The following ENOX1 variants were observed in gnomAD, a reference collection of about 807,000 sequenced individuals.
ENOX1 encodes ecto-NOX disulfide-thiol exchanger 1.
A neutral mutation model predicts 82.5 loss-of-function variants in ENOX1; 42 were observed. The ratio of observed to expected loss-of-function variants is 0.51; its 90% CI spans 0.40 to 0.66. The LOEUF is 0.66. ENOX1 is among the 30% of genes least tolerant of loss of function. ENOX1 has a pLI of 0.00. For synonymous variants in ENOX1, 271 were observed against 282.2 expected, an observed-to-expected ratio of 0.96 and a Z score of 0.40; for missense variants, 608 against 811.6, an observed-to-expected ratio of 0.75 and a Z score of 3.05.
chr13:43,404,720 A>G (rs1377377605), intron 5 of ENOX1, among the ~76,000 whole-genome samples: 1 of 152,216 alleles, frequency 6.6e-6, no homozygotes, highest in African/African-American at 2.4e-5. Context: ...CTTGTAAAAA[A>G]TGCTGTAATA....
chr13:43,438,896 A>G (rs1053394423), intron 3 of ENOX1, among the ~76,000 whole-genome samples: 29 of 152,332 alleles, frequency 1.9e-4, no homozygotes, highest in African/African-American at 6.3e-4. Flanking sequence ...CAGTCGATCC[A>G]TAGCTCTTTG....
chr13:43,594,685 A>G (rs2081386372), intron 2 of ENOX1, among the ~76,000 whole-genome samples: 1 of 152,206 alleles, frequency 6.6e-6, no homozygotes. Context: ...ACAAAGAGGG[A>G]GAGAACTTAC....
intron 2 of ENOX1, among the ~76,000 whole-genome samples, chr13:43,625,667 C>T (rs1015000103): frequency 6.6e-6 from 1 of 151,880 alleles, no homozygotes; most frequent in Non-Finnish European, 1.5e-5. Context: ...AAATATTGAA[C>T]CAGCATTGCA....
intron 3 of ENOX1, among the ~76,000 whole-genome samples, chr13:43,434,292 A>C (rs1320407544): frequency 6.6e-6 from 1 of 152,166 alleles, no homozygotes; most frequent in Non-Finnish European, 1.5e-5. Context: ...TTTTGAAAAC[A>C]TGGTTTTCAA....
intron 2 of ENOX1, among the ~76,000 whole-genome samples, chr13:43,603,483 C>T (rs2081829597): frequency 6.6e-6 from 1 of 150,976 alleles, no homozygotes; most frequent in Admixed American, 6.6e-5. Flanking sequence ...GTGTGCTGCA[C>T]CCATTAACTC....
intron 1 of ENOX1, among the ~76,000 whole-genome samples, chr13:43,719,302 TACACACACACACACACACAC>T (rs3024232): frequency 7.1e-5 from 9 of 126,788 alleles, no homozygotes; most frequent in South Asian, 3.2e-4. Flanking sequence ...TTCATTCAAA[TACACACACACACACACACAC>T]ACACACACAC....
intron 14 of ENOX1, among the ~76,000 whole-genome samples, chr13:43,247,828 CATATAT>C (rs71214135): frequency 7.6e-4 from 28 of 37,072 alleles, no homozygotes; most frequent in African/African-American, 9.1e-4. Flanking sequence ...ACAGATGCAA[CATATAT>C]ATATATATAT....
chr13:43,689,770 A>G (rs536672076), intron 1 of ENOX1, among the ~76,000 whole-genome samples: 1 of 152,300 alleles, frequency 6.6e-6, no homozygotes, highest in East Asian at 1.9e-4. Context: ...TTGTATACAC[A>G]CACTCAACAC....
intron 2 of ENOX1, among the ~76,000 whole-genome samples, chr13:43,605,974 A>G (rs770893638): frequency 5.3e-5 from 8 of 152,180 alleles, no homozygotes; most frequent in Non-Finnish European, 1.2e-4. Context: ...AAATCTAATA[A>G]TCCAATTAAA....
chr13:43,435,133 T>G (rs1011060211), intron 3 of ENOX1, among the ~76,000 whole-genome samples: 1 of 152,060 alleles, frequency 6.6e-6, no homozygotes, highest in African/African-American at 2.4e-5. Flanking sequence ...AAACACCATT[T>G]GTTTTCCTTA....
At chr13:43,535,183 G>A (rs2078402331) in intron 2 of ENOX1, among the ~76,000 whole-genome samples, 1 of 152,168 alleles carries the variant, frequency 6.6e-6, no homozygotes, top group African/African-American at 2.4e-5. Context: ...AGCTGCTGCT[G>A]CTATCATTAT....
chr13:43,760,860 GAAA>G (rs386378983), intron 1 of ENOX1, among the ~76,000 whole-genome samples: 2,143 of 127,312 alleles, frequency 0.017, 51 homozygotes, highest in African/African-American at 0.058. Flanking sequence ...CATTAAAGTG[GAAA>G]AAAAAAAAAA....
At chr13:43,405,455 A>C (rs1273670281) in intron 5 of ENOX1, among the ~76,000 whole-genome samples, 1 of 152,126 alleles carries the variant, frequency 6.6e-6, no homozygotes, top group Non-Finnish European at 1.5e-5. Flanking sequence ...TCCCTGCTCA[A>C]CACAGGTTTT....
At chr13:43,743,389 C>T (rs749898465) in intron 1 of ENOX1, among the ~76,000 whole-genome samples, 3 of 152,212 alleles carry the variant, frequency 2.0e-5, no homozygotes, top group Non-Finnish European at 4.4e-5. Context: ...TCCTCCAGAA[C>T]ATTTTCACTG....
chr13:43,385,822 C>A (rs1407777), intron 5 of ENOX1, among the ~76,000 whole-genome samples: 2 of 152,216 alleles, frequency 1.3e-5, no homozygotes, highest in Non-Finnish European at 2.9e-5. Context: ...AATTTTTGCT[C>A]ATTTATACCT....
intron 3 of ENOX1, among the ~76,000 whole-genome samples, chr13:43,424,007 T>C (rs1035231992): frequency 6.6e-6 from 1 of 152,150 alleles, no homozygotes; most frequent in Non-Finnish European, 1.5e-5. Context: ...GAGGAAGGGA[T>C]AAGGCCTCTG....
chr13:43,296,305 A>C (rs1235289674), intron 12 of ENOX1, among the ~76,000 whole-genome samples: 2 of 152,226 alleles, frequency 1.3e-5, no homozygotes, highest in South Asian at 2.1e-4. Context: ...CAGTGTATTT[A>C]TAAAAAGCAG....
chr13:43,380,762 C>A (rs556808906), intron 5 of ENOX1, among the ~76,000 whole-genome samples: 1 of 151,486 alleles, frequency 6.6e-6, no homozygotes, highest in East Asian at 1.9e-4. Flanking sequence ...AGGGGGCATG[C>A]TAATATTAGG....
At chr13:43,698,274 C>A (rs576005687) in intron 1 of ENOX1, among the ~76,000 whole-genome samples, 5 of 152,274 alleles carry the variant, frequency 3.3e-5, no homozygotes, top group Admixed American at 6.5e-5. Flanking sequence ...TTTTCAGCAA[C>A]CAATACGTAA....
Sources: allele counts gnomAD v4.1 joint callset (sites outside exome capture counted in the v4.1 genomes callset), GRCh38; gene constraint gnomAD v4.1.1; transcripts MANE v1.5; gene names NCBI Gene and HGNC (gene_info 2026-07-23, HGNC 2026-07-21).